Variants in C4orf50 observed in about 807,000 individuals in gnomAD.
The protein encoded by C4orf50 is uncharacterized protein C4orf50.
C4orf50 carries 80 observed loss-of-function variants against 77.2 expected under a neutral mutation model. That is an observed-to-expected ratio of 1.04 (90% CI 0.87 to 1.25). The LOEUF (loss-of-function observed/expected upper bound fraction) is 1.25. C4orf50 is among the 50% of genes most tolerant of loss of function. C4orf50 has a pLI of 0.00. For synonymous variants in C4orf50, 532 were observed against 465.3 expected (o/e 1.14, Z -1.84); for missense variants, 1,257 against 1,152.9 (o/e 1.09, Z -1.31).
rs902364762 is a variant in C4orf50, at chr4:6,008,457, C to G, written c.502G>C (p.Glu168Gln). The G allele has an allele frequency of 1.0e-5, 4 of 397,358 alleles. No homozygotes were observed. Among genetic ancestry groups the G allele is most frequent in the Non-Finnish European group, 1.8e-5 (4 of 225,312 alleles). 24.6% of individuals were successfully genotyped at this position (397,358 alleles called of 1,614,324 possible). A position where few individuals can be genotyped will look rare whatever the true frequency, so the allele number is the denominator to read the frequency against. Residue 168 changes from glutamate to glutamine, a missense_variant, in exon 25 of 34, where the codon GAG (glutamate) becomes CAG (glutamine). By Grantham distance (29) the Glu-to-Gln change is conservative. Transcript: ENST00000531445. This position sits in a 1 kb window ranked among gnomAD's most constrained non-coding sequence, Gnocchi z 6.0. ...GCCGCCGCCTGCTGCCCCAGTGCCT[C>G]GTCCTTGCGCCGCAACCGCTCCTGC...
At chr4:5,963,543 C>T (rs867686457) in intron 33 of C4orf50, among the ~76,000 whole-genome samples, 11 of 151,892 alleles carry the variant, frequency 7.2e-5, no homozygotes, top group South Asian at 4.2e-4. Context: ...TGAATTGTCC[C>T]AACAAGCCTG....
chr4:5,961,696 T>C (rs1719286885), intron 33 of C4orf50, among the ~76,000 whole-genome samples: 1 of 152,196 alleles, frequency 6.6e-6, no homozygotes, highest in African/African-American at 2.4e-5. Context: ...GGATGTAGTG[T>C]TGGATCTTCA....
intron 27 of C4orf50, 87 bp from the exon 6 acceptor site, chr4:5,990,911 G>A (rs1384163205): frequency 4.8e-5 from 19 of 398,144 alleles, no homozygotes; most frequent in South Asian, 2.8e-4. Flanking sequence ...GGGGTTCTCC[G>A]TGTTTCCTCA....
intron 7 of C4orf50, among the ~76,000 whole-genome samples, chr4:5,926,719 G>A (rs745314506): frequency 1.3e-5 from 2 of 151,996 alleles, no homozygotes; most frequent in Non-Finnish European, 2.9e-5. Context: ...GCAATAAAGT[G>A]GTGGAAATAA....
rs1716319599 is a variant in C4orf50 at position 5,901,002 on chromosome 4, A to G, written c.*2475-2814T>C. ...AGCCCATTGGTCTGCAGAGCGATCA[A>G]ACCACACTACCTCAGCGTGTCCCCA... On this transcript the variant is annotated intron_variant, in intron 7 of 7. Coordinates refer to the C4orf50 transcript ENST00000324058. The surrounding 1 kb of genome is among the most constrained non-coding windows in gnomAD (Gnocchi z 4.4). 1 of 152,242 alleles carries G rather than the reference A, an allele frequency of 6.6e-6. No homozygotes were observed. Among genetic ancestry groups the G allele is most frequent in the African/African-American group, 2.4e-5 (1 of 41,448 alleles). The allele number at this position is 152,242 out of a possible 1,614,324, so 9.4% of individuals were successfully genotyped here.
exon 32 of C4orf50, chr4:5,967,437 G>A: frequency 6.2e-7 from 1 of 1,614,010 alleles, no homozygotes; most frequent in Non-Finnish European, 8.5e-7. Context: ...CGTCATCTCA[G>A]ACTTGACGTC....
intron 7 of C4orf50, among the ~76,000 whole-genome samples, chr4:5,915,488 G>A (rs1441559744): frequency 1.3e-5 from 2 of 152,236 alleles, no homozygotes; most frequent in African/African-American, 2.4e-5. Flanking sequence ...GGACACATTT[G>A]TGGGCATCCC....
chr4:5,962,352 T>G (rs1483886626), intron 33 of C4orf50, among the ~76,000 whole-genome samples: 2 of 152,246 alleles, frequency 1.3e-5, no homozygotes, highest in Non-Finnish European at 2.9e-5. Flanking sequence ...GTGATAACTT[T>G]GAAGAAAGCT....
At chr4:5,984,274 C>A (rs1720747717) in intron 28 of C4orf50, among the ~76,000 whole-genome samples, 1 of 152,162 alleles carries the variant, frequency 6.6e-6, no homozygotes, top group Admixed American at 6.5e-5. Context: ...TACACAATGT[C>A]CAACATAAAA....
intron 7 of C4orf50, among the ~76,000 whole-genome samples, chr4:5,918,859 C>G (rs1717144297): frequency 6.6e-6 from 1 of 152,172 alleles, no homozygotes; most frequent in East Asian, 1.9e-4. Context: ...TGGACCATTC[C>G]AGACCAAATG....
intron 25 of C4orf50, among the ~76,000 whole-genome samples, chr4:6,004,238 A>ATGACGG (rs1722087409): frequency 2.4e-4 from 6 of 24,684 alleles, no homozygotes; most frequent in Admixed American, 4.2e-4. Flanking sequence ...GATGGTGATG[A>ATGACGG]TGATGGTGAT....
At chr4:6,004,218 GTGATGATGTGATGGTGA>G (rs1560598774) in intron 25 of C4orf50, among the ~76,000 whole-genome samples, 10 of 45,122 alleles carry the variant, frequency 2.2e-4, no homozygotes, top group East Asian at 1.2e-3. Flanking sequence ...GATGGTGATG[GTGATGATGTGATGGTGA>G]TGATGATGGT....
rs563939782 is a variant in C4orf50 at position 6,011,234 on chromosome 4, C to T, written c.426+596G>A. 1.0e-3 allele frequency among the ~76,000 whole-genome samples: 159 copies of T among 152,280 alleles called. No homozygotes were observed. Among genetic ancestry groups the T allele is most frequent in the Middle Eastern group, 3.4e-3 (1 of 294 alleles). ...TTCCCCATTGTATTCAGAATTGGGC[C>T]ATGCAGCGGAGTTGGCCACCTGGCC... On this transcript the variant is annotated intron_variant, in intron 24 of 33. Coordinates refer to ENST00000531445, the Ensembl canonical transcript of C4orf50. This position sits in a 1 kb window ranked among gnomAD's most constrained non-coding sequence, Gnocchi z 4.2.
At chr4:6,002,644 A>C (rs955576387) in intron 25 of C4orf50, among the ~76,000 whole-genome samples, 1 of 152,104 alleles carries the variant, frequency 6.6e-6, no homozygotes, top group African/African-American at 2.4e-5. Flanking sequence ...CTCCTGCCCC[A>C]GAGCTTCCCC....
chr4:5,994,803 A>G (rs1181129074), intron 25 of C4orf50, among the ~76,000 whole-genome samples: 1 of 152,194 alleles, frequency 6.6e-6, no homozygotes, highest in Non-Finnish European at 1.5e-5. Flanking sequence ...AGACTGGTAC[A>G]GTCCGTGGCC....
intron 31 of C4orf50, among the ~76,000 whole-genome samples, chr4:5,972,476 C>G (rs1306484533): frequency 6.6e-6 from 1 of 152,216 alleles, no homozygotes; most frequent in Admixed American, 6.5e-5. Flanking sequence ...GTCTGGGGCT[C>G]TGGATTCAAG....
At chr4:5,966,611 A>G (rs1216282405) in intron 32 of C4orf50, among the ~76,000 whole-genome samples, 2 of 151,778 alleles carry the variant, frequency 1.3e-5, no homozygotes, top group African/African-American at 4.8e-5. Context: ...AGATGTGCAC[A>G]TCGAATTATA....
chr4:6,018,178 T>C lies in C4orf50; in HGVS notation c.254A>G (p.Lys85Arg). 2.5e-6 allele frequency: 1 copy of C among 398,930 alleles called. No individual in the cohort carries two copies. The highest frequency in any genetic ancestry group is 4.4e-6 in the Non-Finnish European group (1 of 226,070). 24.7% of individuals were successfully genotyped at this position (398,930 alleles called of 1,614,324 possible). ...CAGCCCGGACTCCGATGTCACGTACTTGTCCTCTGCTGCTGACAGCTTCTG... is the reference window on the plus strand; with the variant it reads ...CAGCCCGGACTCCGATGTCACGTACCTGTCCTCTGCTGCTGACAGCTTCTG... The change falls in exon 23 of 34, where the codon AAG (lysine) becomes AGG (arginine). Residue 85 changes from lysine (K) to arginine (R), a missense_variant. Physicochemically the swap from Lys to Arg is conservative, Grantham distance 26 (BLOSUM62 2). Coordinates refer to ENST00000531445, the Ensembl canonical transcript of C4orf50. The surrounding 1 kb of genome is among the most constrained non-coding windows in gnomAD (Gnocchi z 5.1).
chr4:5,948,067 T>C (rs958183957), intron 7 of C4orf50, among the ~76,000 whole-genome samples: 1 of 152,086 alleles, frequency 6.6e-6, no homozygotes, highest in African/African-American at 2.4e-5. Flanking sequence ...TGCTTTTCTC[T>C]CCCACAGGTC....
Sources: allele counts gnomAD v4.1 joint callset (sites outside exome capture counted in the v4.1 genomes callset), GRCh38; gene constraint gnomAD v4.1.1; non-coding constraint Gnocchi (gnomAD v3.1); transcripts MANE v1.5; gene names NCBI Gene and HGNC (gene_info 2026-07-23, HGNC 2026-07-21).